Variants in VWA3A observed in about 807,000 individuals in gnomAD.
The protein encoded by VWA3A is von Willebrand factor A domain containing 3A, also known as von Willebrand factor A domain-containing protein 3A.
Under a neutral mutation model 160.4 loss-of-function variants are expected in VWA3A, and 134 were observed. That is an observed-to-expected ratio of 0.84 (90% CI 0.73 to 0.96). The LOEUF is 0.96. Ranked by LOEUF, VWA3A falls within the 40% of genes least tolerant of loss-of-function variation. The pLI is 0.00. For missense variants in VWA3A, 1,310 were observed against 1,447.9 expected (o/e 0.90, Z 1.55); for synonymous variants, 476 against 543.4 (o/e 0.88, Z 1.72).
chr16:22,150,939 T>C (rs2046338666), intron 30 of VWA3A, 93 bp downstream of exon 30: 1 of 1,420,978 alleles, frequency 7.0e-7, no homozygotes, highest in South Asian at 1.5e-5. Context: ...ATCTAGCTGC[T>C]CACTTAGACA....
At chr16:22,138,203 A>C (rs544712328) in intron 21 of VWA3A, among the ~76,000 whole-genome samples, 157 bp from the exon 22 acceptor site, 3 of 151,776 alleles carry the variant, frequency 2.0e-5, no homozygotes, top group Non-Finnish European at 4.4e-5. Flanking sequence ...GGATTGGTCC[A>C]TAGCACTTTC....
intron 22 of VWA3A, among the ~76,000 whole-genome samples, chr16:22,138,912 C>G (rs991895822): frequency 6.6e-6 from 1 of 152,084 alleles, no homozygotes; most frequent in Non-Finnish European, 1.5e-5. Context: ...TGATAGGAGC[C>G]TGAGGGTGGG....
chr16:22,139,861 G>T (rs1368480541), intron 22 of VWA3A, among the ~76,000 whole-genome samples: 1 of 152,062 alleles, frequency 6.6e-6, no homozygotes, highest in Non-Finnish European at 1.5e-5. Context: ...TCTCTCACTA[G>T]CAGCTCTCTC....
At chr16:22,151,361 T>C (rs1208177899) in intron 30 of VWA3A, among the ~76,000 whole-genome samples, 2 of 151,838 alleles carry the variant, frequency 1.3e-5, no homozygotes, top group African/African-American at 4.8e-5. Flanking sequence ...CACCACAGGG[T>C]GAAAACCCCT....
At chr16:22,135,676 A>G (rs1308987526) in intron 21 of VWA3A, among the ~76,000 whole-genome samples, 2 of 152,092 alleles carry the variant, frequency 1.3e-5, no homozygotes, top group African/African-American at 2.4e-5. Context: ...CGTCAAGGTT[A>G]TTGCTAAACC....
chr16:22,124,446 A>C (rs1357186022), intron 16 of VWA3A, among the ~76,000 whole-genome samples: 1 of 150,706 alleles, frequency 6.6e-6, no homozygotes, highest in East Asian at 1.9e-4. Flanking sequence ...AACAATAGTT[A>C]TCTATTATGG....
chr16:22,150,742 C>T lies in VWA3A; in HGVS notation c.3177C>T (p.Asp1059=), dbSNP rs767703675. The T allele has an allele frequency of 1.9e-5, 30 of 1,612,134 alleles. No individual in the cohort carries two copies. The highest frequency in any genetic ancestry group is 3.3e-4 in the Middle Eastern group (2 of 6,082). The change falls in exon 30 of 34, where the codon GAC becomes GAT. Residue 1059 remains aspartate, a synonymous_variant. Coordinates refer to ENST00000389398, the MANE Select transcript of VWA3A (RefSeq NM_173615.5). ...HDLEGLYLLT[D]GKPDTSCSLV... ...TGGAAGGATTGTACCTCCTGACCGACGGAAAGCCAGACACAAGCTGCAGCC... is the reference window on the plus strand; with the variant it reads ...TGGAAGGATTGTACCTCCTGACCGATGGAAAGCCAGACACAAGCTGCAGCC...
At chr16:22,100,372 C>T (rs752563658) in intron 4 of VWA3A, 44 bp from the exon 5 acceptor site, 1 of 1,551,602 alleles carries the variant, frequency 6.4e-7, no homozygotes, top group Non-Finnish European at 8.7e-7. Flanking sequence ...CACATGCAAC[C>T]CCCTGGGCCC....
At chr16:22,125,499 C>T (rs2045830432) in intron 16 of VWA3A, among the ~76,000 whole-genome samples, 2 of 152,100 alleles carry the variant, frequency 1.3e-5, no homozygotes, top group Non-Finnish European at 2.9e-5. Context: ...TCTTGGCTCA[C>T]TGCAAGCTCT....
intron 7 of VWA3A, 25 bp from the exon 8 acceptor site, chr16:22,110,863 C>T (rs1263627767): frequency 1.3e-6 from 2 of 1,580,630 alleles, no homozygotes; most frequent in Admixed American, 1.8e-5. Context: ...GCTGTGGGAG[C>T]CAGTGATGTC....
intron 6 of VWA3A, among the ~76,000 whole-genome samples, chr16:22,104,225 G>C (rs1240869523): frequency 6.6e-6 from 1 of 151,960 alleles, no homozygotes; most frequent in Admixed American, 6.6e-5. Flanking sequence ...TGGTGGCTCA[G>C]GCCTGTAATC....
intron 15 of VWA3A, 200 bp downstream of exon 15, chr16:22,123,365 A>G: frequency 3.1e-6 from 4 of 1,300,920 alleles, no homozygotes; most frequent in East Asian, 2.5e-5. Flanking sequence ...AAAAAAAAAA[A>G]GGCTTCTAAT....
At chr16:22,149,955 C>A (rs1006791563) in intron 29 of VWA3A, 24 bp downstream of exon 29, 2 of 1,584,492 alleles carry the variant, frequency 1.3e-6, no homozygotes, top group African/African-American at 2.7e-5. Flanking sequence ...CGGAGCCCGA[C>A]CTTGACGCAA....
chr16:22,155,842 G>T lies in VWA3A; in HGVS notation c.3504-9G>T, dbSNP rs769926049. On this transcript the variant is annotated splice_polypyrimidine_tract_variant and intron_variant, in intron 32 of 33. Transcript: ENST00000389398. The stretch of plus-strand genomic sequence containing the variant: ...GGGAGACCATCTTTCTTCATCTCCT[G>T]CCCACCAGATCCCAACTCCAGAAGA... The T allele has an allele frequency of 1.2e-5, 20 of 1,613,868 alleles. No homozygotes were observed. Among genetic ancestry groups the T allele is most frequent in the Non-Finnish European group, 1.7e-5 (20 of 1,179,874 alleles).
chr16:22,101,056 T>C lies in VWA3A; in HGVS notation c.428+563T>C, dbSNP rs931518134. On this transcript the variant is annotated intron_variant, in intron 5 of 33. Transcript: ENST00000389398. ...AGCCCCAATTTCCCCTTTTCTCAAATAGAAAGGTTGGACCAGATCAGTGTC... is the reference window on the plus strand; with the variant it reads ...AGCCCCAATTTCCCCTTTTCTCAAACAGAAAGGTTGGACCAGATCAGTGTC... Among the ~76,000 whole-genome samples, 11 of 150,550 alleles carry C rather than the reference T, an allele frequency of 7.3e-5. 1 individual carries two copies. The highest frequency in any genetic ancestry group is 1.3e-4 in the Non-Finnish European group (9 of 67,770).
At chr16:22,149,579 C>G (rs1192834101) in intron 28 of VWA3A, among the ~76,000 whole-genome samples, 1 of 152,124 alleles carries the variant, frequency 6.6e-6, no homozygotes, top group Non-Finnish European at 1.5e-5. Flanking sequence ...TGTCTGCATT[C>G]AAATTGTCAG....
chr16:22,123,802 G>A (rs753015020), intron 16 of VWA3A, 95 bp downstream of exon 16: 7 of 1,216,904 alleles, frequency 5.8e-6, no homozygotes, highest in South Asian at 1.4e-5. Flanking sequence ...AGCATCAGAA[G>A]CCATCACTTA....
At chr16:22,108,224 T>C (rs2045507769) in intron 6 of VWA3A, among the ~76,000 whole-genome samples, 1 of 152,206 alleles carries the variant, frequency 6.6e-6, no homozygotes, top group Admixed American at 6.5e-5. Flanking sequence ...GGTAGCATAC[T>C]GAGAGATCTA....
Position 22,156,063 on chromosome 16 carries a change from G to A in VWA3A, c.*46G>A, listed in dbSNP as rs2142044500. On this transcript the variant is annotated 3_prime_UTR_variant, in exon 34 of 34. Coordinates refer to ENST00000389398, the MANE Select transcript of VWA3A (RefSeq NM_173615.5). Reference sequence around the variant, plus strand: ...CATCCTGCAAAGGACCACTCACTGAGCAAATCTCAGCCCCGAGGGCAGGAT... The same window carrying A: ...CATCCTGCAAAGGACCACTCACTGAACAAATCTCAGCCCCGAGGGCAGGAT... 1 of 828,348 alleles carries A rather than the reference G, an allele frequency of 1.2e-6. No individual in the cohort carries two copies. Among genetic ancestry groups the A allele is most frequent in the East Asian group, 2.7e-5 (1 of 37,142 alleles). 51.3% of individuals were successfully genotyped at this position (828,348 alleles called of 1,614,324 possible). A position where few individuals can be genotyped will look rare whatever the true frequency, so the allele number is the denominator to read the frequency against.
Sources: allele counts gnomAD v4.1 joint callset (sites outside exome capture counted in the v4.1 genomes callset), GRCh38; gene constraint gnomAD v4.1.1; transcripts MANE v1.5; gene names NCBI Gene and HGNC (gene_info 2026-07-23, HGNC 2026-07-21).